Variants in WDFY2 observed in about 807,000 individuals in gnomAD.
The protein encoded by WDFY2 is WD repeat and FYVE domain-containing protein 2.
WDFY2 carries 36 observed loss-of-function variants against 56.4 expected under a neutral mutation model. The ratio of observed to expected loss-of-function variants is 0.64; its 90% CI spans 0.49 to 0.84. WDFY2 has a LOEUF of 0.84. Among genes scored for constraint, WDFY2 ranks in the 40% least tolerant of loss-of-function variants. The pLI is 0.00. For synonymous variants in WDFY2, 176 were observed against 183.7 expected, an observed-to-expected ratio of 0.96 and a Z score of 0.34; for missense variants, 444 against 512.2, an observed-to-expected ratio of 0.87 and a Z score of 1.29.
At chr13:51,708,076 G>C (rs1006933220) in intron 4 of WDFY2, among the ~76,000 whole-genome samples, 9 of 146,308 alleles carry the variant, frequency 6.2e-5, no homozygotes, top group African/African-American at 2.3e-4. Context: ...CTCCCAACTA[G>C]CTGGGATTAC....
rs142353590 is a variant in WDFY2, at chr13:51,719,552, A to C, written c.485+204A>C. 3.1e-3 allele frequency among the ~76,000 whole-genome samples: 465 copies of C among 152,344 alleles called. 3 individuals carry two copies. The highest frequency in any genetic ancestry group is 0.011 in the African/African-American group (443 of 41,586). Reference sequence around the variant, plus strand: ...GAAGTGCGGTCACTTGACCTGAAATAATAGACTGCTGAGCCATTTGTGAGC... The same window carrying C: ...GAAGTGCGGTCACTTGACCTGAAATCATAGACTGCTGAGCCATTTGTGAGC... On this transcript the variant is annotated intron_variant, in intron 5 of 11. Transcript: ENST00000298125.
chr13:51,758,407 C>A, intron 11 of WDFY2, 107 bp downstream of exon 11: 1 of 731,332 alleles, frequency 1.4e-6, no homozygotes, highest in Admixed American at 2.3e-5. Flanking sequence ...CTTGGGTAGC[C>A]GGCCATGGTG....
chr13:51,639,031 C>T (rs1232931180), intron 1 of WDFY2, among the ~76,000 whole-genome samples: 2 of 152,182 alleles, frequency 1.3e-5, no homozygotes, highest in Non-Finnish European at 2.9e-5. Flanking sequence ...TATGGCTTCT[C>T]TGTGCATTTA....
intron 6 of WDFY2, among the ~76,000 whole-genome samples, chr13:51,734,654 T>G (rs764424314): frequency 7.9e-5 from 12 of 152,196 alleles, no homozygotes; most frequent in Non-Finnish European, 1.5e-4. Context: ...GTACAGCCAT[T>G]GCCTCTATCC....
chr13:51,652,890 T>C (rs1955423548), intron 1 of WDFY2, among the ~76,000 whole-genome samples: 1 of 152,196 alleles, frequency 6.6e-6, no homozygotes, highest in Non-Finnish European at 1.5e-5. Flanking sequence ...GTCTTGGAGT[T>C]GCTCGTCTCG....
intron 2 of WDFY2, among the ~76,000 whole-genome samples, chr13:51,660,914 A>T (rs1955600270): frequency 6.6e-6 from 1 of 152,218 alleles, no homozygotes; most frequent in African/African-American, 2.4e-5. Flanking sequence ...AGGCTTTCTG[A>T]TTACAGCAGT....
chr13:51,756,735 C>CCTT, intron 10 of WDFY2: 1 of 738,918 alleles, frequency 1.4e-6, no homozygotes. Context: ...CAGAACAAAC[C>CCTT]CTTCTGTCTG....
intron 2 of WDFY2, among the ~76,000 whole-genome samples, chr13:51,668,527 C>T (rs17075875): frequency 0.021 from 3,190 of 152,202 alleles, 111 homozygotes; most frequent in African/African-American, 0.072. Flanking sequence ...TAAAATAAAA[C>T]GTGTTGAGTA....
chr13:51,718,763 T>C (rs899780281), intron 4 of WDFY2, among the ~76,000 whole-genome samples: 2 of 152,234 alleles, frequency 1.3e-5, no homozygotes, highest in Non-Finnish European at 2.9e-5. Context: ...TGCTCCAGTT[T>C]TTTTGTAAGT....
chr13:51,748,167 G>A (rs958290571), intron 7 of WDFY2, among the ~76,000 whole-genome samples: 7 of 151,952 alleles, frequency 4.6e-5, no homozygotes, highest in South Asian at 2.1e-4. Context: ...CCCCTCCCCC[G>A]ACTGCCAAAA....
At chr13:51,689,030 A>G (rs576997317) in intron 3 of WDFY2, among the ~76,000 whole-genome samples, 6 of 152,324 alleles carry the variant, frequency 3.9e-5, no homozygotes, top group African/African-American at 1.4e-4. Context: ...GAGTTTGGCC[A>G]TGAGCAGGAT....
At chr13:51,699,033 A>G (rs749028804) in intron 3 of WDFY2, among the ~76,000 whole-genome samples, 21 of 152,268 alleles carry the variant, frequency 1.4e-4, no homozygotes, top group Non-Finnish European at 2.8e-4. Flanking sequence ...GATTTTCTTG[A>G]TTGTACTTGT....
At chr13:51,623,890 A>G (rs139343433) in intron 1 of WDFY2, among the ~76,000 whole-genome samples, 149 of 149,538 alleles carry the variant, frequency 1.0e-3, no homozygotes, top group African/African-American at 3.5e-3. Context: ...TATAGAAGTT[A>G]TTTCTTCTGT....
rs988445097 is a variant in WDFY2, at chr13:51,586,215, T to G, written c.137+1391T>G. 5.6e-5 allele frequency: 22 copies of G among 395,812 alleles called. No individual in the cohort carries two copies. In the Middle Eastern group the frequency reaches 1.9e-3, roughly 35 times the overall value. The allele number at this position is 395,812 out of a possible 1,614,324, so 24.5% of individuals were successfully genotyped here. On this transcript the variant is annotated intron_variant, in intron 1 of 11. Coordinates refer to ENST00000298125, the MANE Select transcript of WDFY2 (RefSeq NM_052950.4). ...AAAGACTGCTTCTGGACCTAGAAATTCTTTGGCACAGTATTGTTTTTATGG... is the reference window on the plus strand; with the variant it reads ...AAAGACTGCTTCTGGACCTAGAAATGCTTTGGCACAGTATTGTTTTTATGG...
intron 1 of WDFY2, among the ~76,000 whole-genome samples, chr13:51,658,755 A>C (rs1367923054): frequency 6.6e-6 from 1 of 152,214 alleles, no homozygotes; most frequent in Admixed American, 6.5e-5. Context: ...TTTAATTCTT[A>C]TAAGTTATTT....
At chr13:51,661,831 G>A (rs1413320266) in intron 2 of WDFY2, among the ~76,000 whole-genome samples, 3 of 152,092 alleles carry the variant, frequency 2.0e-5, no homozygotes, top group African/African-American at 7.2e-5. Flanking sequence ...TCCTTTACCT[G>A]TTTTGCTTCT....
At chr13:51,720,850 T>G (rs572761885) in intron 5 of WDFY2, among the ~76,000 whole-genome samples, 1 of 152,176 alleles carries the variant, frequency 6.6e-6, no homozygotes, top group African/African-American at 2.4e-5. Context: ...ATAAGGGCAC[T>G]AATCCCATTC....
At chr13:51,718,698 A>G (rs1291579514) in intron 4 of WDFY2, among the ~76,000 whole-genome samples, 3 of 152,134 alleles carry the variant, frequency 2.0e-5, no homozygotes, top group Non-Finnish European at 2.9e-5. Flanking sequence ...GAAAGTGTTC[A>G]TCTAGAACTT....
At position 51,704,084 on chromosome 13, in the gene WDFY2, C is replaced by A. The variant is rs547275567; in HGVS notation, c.334+434C>A. 7.2e-5 allele frequency among the ~76,000 whole-genome samples: 11 copies of A among 152,250 alleles called. No individual in the cohort carries two copies. The East Asian group carries it at 1.7e-3, about 24-fold the overall frequency. ...TCAACATTGACAGGCCATCTGACAA[C>A]AATTTTTGGAAGGGATTTCTTTATT... On this transcript the variant is annotated intron_variant, in intron 4 of 11. Transcript: ENST00000298125.
Sources: allele counts gnomAD v4.1 joint callset (sites outside exome capture counted in the v4.1 genomes callset), GRCh38; gene constraint gnomAD v4.1.1; transcripts MANE v1.5; gene names NCBI Gene and HGNC (gene_info 2026-07-23, HGNC 2026-07-21).